FBXO15: variants seen among roughly 807,000 people sequenced by gnomAD.
FBXO15 encodes F-box only protein 15.
In FBXO15, 30 loss-of-function variants were observed where a neutral mutation model predicts 49.5. The observed-to-expected ratio is 0.61, with a 90% confidence interval of 0.45 to 0.82. The LOEUF (loss-of-function observed/expected upper bound fraction) is 0.82. FBXO15 is among the 40% of genes least tolerant of loss of function. FBXO15 has a pLI of 0.00. For missense variants in FBXO15, 591 were observed against 631.5 expected (o/e 0.94, Z 0.69); for synonymous variants, 250 against 232.7 (o/e 1.07, Z -0.68).
chr18:74,079,699 A>G (rs1411549581), intron 9 of FBXO15, among the ~76,000 whole-genome samples: 2 of 152,200 alleles, frequency 1.3e-5, no homozygotes, highest in African/African-American at 4.8e-5. Context: ...TGATCTGTTG[A>G]GTTTTTGCTC....
chr18:74,073,471 G>T lies in FBXO15; in HGVS notation c.1523C>A (p.Thr508Asn). ...SIAKINHWFGTEY is the reference protein window; with the variant it reads ...SIAKINHWFGNEY ...ATTTGCCACCTACTGCTAATATTCA[G>T]TCCCAAACCAATGGTTGATTTTTGC... Residue 508 changes from threonine (T) to asparagine (N), a missense_variant, in exon 10 of 10, where the codon ACT becomes AAT. Thr to Asn is a moderately conservative substitution (Grantham distance 65, BLOSUM62 0). Transcript: ENST00000419743. 6.2e-7 allele frequency: 1 copy of T among 1,613,844 alleles called. No individual in the cohort carries two copies. The highest frequency in any genetic ancestry group is 8.5e-7 in the Non-Finnish European group (1 of 1,179,874).
At chr18:74,146,746 G>C (rs978528511) in intron 1 of FBXO15, among the ~76,000 whole-genome samples, 1 of 152,138 alleles carries the variant, frequency 6.6e-6, no homozygotes, top group African/African-American at 2.4e-5. Flanking sequence ...TGGAGACCTA[G>C]AGAGGACACA....
intron 9 of FBXO15, among the ~76,000 whole-genome samples, chr18:74,080,605 G>GT (rs1243688186): frequency 6.6e-6 from 1 of 152,184 alleles, no homozygotes; most frequent in East Asian, 1.9e-4. Context: ...TTTTGAAGCC[G>GT]TATCTTCAGC....
intron 3 of FBXO15, among the ~76,000 whole-genome samples, chr18:74,135,410 G>A (rs1037314997): frequency 1.3e-5 from 2 of 152,284 alleles, no homozygotes; most frequent in East Asian, 1.9e-4. Context: ...GCGAATGCAC[G>A]GCTAGGGTCA....
intron 2 of FBXO15, among the ~76,000 whole-genome samples, chr18:74,138,472 A>G (rs1978861154): frequency 6.6e-6 from 1 of 151,828 alleles, no homozygotes; most frequent in South Asian, 2.1e-4. Context: ...AATGTCTTGG[A>G]CCTCAGGGCT....
At chr18:74,131,872 C>G (rs1422266961) in intron 3 of FBXO15, among the ~76,000 whole-genome samples, 1 of 152,180 alleles carries the variant, frequency 6.6e-6, no homozygotes, top group African/African-American at 2.4e-5. Flanking sequence ...AGCAGGACCC[C>G]TGGGGATAAC....
At chr18:74,121,986 T>C (rs976690261) in intron 8 of FBXO15, among the ~76,000 whole-genome samples, 6 of 152,174 alleles carry the variant, frequency 3.9e-5, no homozygotes, top group African/African-American at 1.2e-4. Flanking sequence ...GGAACCAATA[T>C]GGCCAACTGG....
At chr18:74,137,091 C>T (rs906161497) in intron 2 of FBXO15, among the ~76,000 whole-genome samples, 2 of 152,164 alleles carry the variant, frequency 1.3e-5, no homozygotes, top group African/African-American at 4.8e-5. Flanking sequence ...ATATGCATCA[C>T]CATGTAAATG....
Position 74,130,655 on chromosome 18 carries a change from A to G in FBXO15, c.336T>C (p.Phe112=). The change falls in exon 4 of 10, where the codon TTT becomes TTC. Residue 112 remains phenylalanine (F), a synonymous_variant. Transcript: ENST00000419743. ...CAGTTGAGTAGATTCCGATCCAAAT[A>G]AAACTGGAGGGAAAAGAGGAAATAT... ...RRFYHLANDN[F]IWIGIYSTAF... 1 of 1,610,680 alleles carries G rather than the reference A, an allele frequency of 6.2e-7. No individual in the cohort carries two copies. The highest frequency in any genetic ancestry group is 1.1e-5 in the South Asian group (1 of 90,820).
intron 8 of FBXO15, among the ~76,000 whole-genome samples, chr18:74,121,748 C>T (rs1462030991): frequency 6.6e-6 from 1 of 152,022 alleles, no homozygotes; most frequent in Non-Finnish European, 1.5e-5. Flanking sequence ...ATCCAAGAGT[C>T]CAAAGTGACA....
rs920630662 is a variant in FBXO15 at position 74,142,399 on chromosome 18, T to A, written c.117-2087A>T. On this transcript the variant is annotated intron_variant, in intron 1 of 9. Coordinates refer to ENST00000419743, the MANE Select transcript of FBXO15 (RefSeq NM_001142958.2). ...TCATAAGTAAAATATCATTTCCTAA[T>A]TGCATTCGTCTCCTAAGACTACCTT... 5.3e-5 allele frequency among the ~76,000 whole-genome samples: 8 copies of A among 152,216 alleles called. 1 individual carries two copies. Among genetic ancestry groups the A allele is most frequent in the Admixed American group, 4.6e-4 (7 of 15,288 alleles).
intron 8 of FBXO15, among the ~76,000 whole-genome samples, chr18:74,117,570 C>T (rs142147704): frequency 5.9e-5 from 9 of 152,200 alleles, no homozygotes; most frequent in Non-Finnish European, 1.2e-4. Flanking sequence ...GCTCTGGAGT[C>T]GCGCGGACCT....
chr18:74,128,690 T>A (rs1039367828), intron 5 of FBXO15, among the ~76,000 whole-genome samples: 2 of 152,242 alleles, frequency 1.3e-5, no homozygotes, highest in Admixed American at 1.3e-4. Flanking sequence ...GAGGAAGCAA[T>A]CAATGATGAA....
chr18:74,086,003 CAT>C (rs1912720732), intron 8 of FBXO15, among the ~76,000 whole-genome samples: 1 of 152,146 alleles, frequency 6.6e-6, no homozygotes, highest in African/African-American at 2.4e-5. Flanking sequence ...ACCAAGAAAA[CAT>C]GTACTAACAA....
intron 9 of FBXO15, among the ~76,000 whole-genome samples, chr18:74,079,501 G>A (rs187998682): frequency 1.3e-5 from 2 of 152,288 alleles, no homozygotes; most frequent in South Asian, 2.1e-4. Context: ...CTGAAATATA[G>A]AAGTCAAGTG....
intron 1 of FBXO15, among the ~76,000 whole-genome samples, chr18:74,145,581 TAAAC>T (rs1979351672): frequency 7.3e-6 from 1 of 136,294 alleles, no homozygotes; most frequent in Non-Finnish European, 1.6e-5. Context: ...ATCCATAAAA[TAAAC>T]CAACTGCACT....
At chr18:74,097,088 C>G (rs1345687925) in intron 8 of FBXO15, 1 of 152,220 alleles carries the variant, frequency 6.6e-6, no homozygotes, top group Admixed American at 6.5e-5. Flanking sequence ...CCTGTGGGCT[C>G]TCTGGATCCA....
At chr18:74,078,725 G>A (rs1912364930) in intron 9 of FBXO15, 1 of 152,326 alleles carries the variant, frequency 6.6e-6, no homozygotes, top group Non-Finnish European at 1.5e-5. Flanking sequence ...ACGTCCAGGA[G>A]GCACACATCT....
chr18:74,110,107 C>A (rs2145162994), intron 8 of FBXO15, among the ~76,000 whole-genome samples: 1 of 149,630 alleles, frequency 6.7e-6, no homozygotes, highest in Admixed American at 6.7e-5. Flanking sequence ...TAACAGATAA[C>A]AGTTTGCCCA....
Sources: allele counts gnomAD v4.1 joint callset (sites outside exome capture counted in the v4.1 genomes callset), GRCh38; gene constraint gnomAD v4.1.1; transcripts MANE v1.5; gene names NCBI Gene and HGNC (gene_info 2026-07-23, HGNC 2026-07-21).